The following BMP8A variants were observed in gnomAD, a reference collection of about 807,000 sequenced individuals.
BMP8A encodes bone morphogenetic protein 8a, also known as BMP-8A.
In BMP8A, 14 loss-of-function variants were observed where a neutral mutation model predicts 36.8. The observed-to-expected ratio is 0.38, with a 90% CI of 0.25 to 0.60. BMP8A has a LOEUF of 0.60. BMP8A is among the 20% of genes least tolerant of loss of function. BMP8A has a pLI of 0.63. For missense variants in BMP8A, 267 were observed against 551.1 expected (o/e 0.48, Z 5.16); for synonymous variants, 120 against 237.7 (o/e 0.50, Z 4.55).
chr1:39,525,909 C>T lies in BMP8A; in HGVS notation c.*111C>T, dbSNP rs958911353. 37 of 1,531,516 alleles carry T rather than the reference C, an allele frequency of 2.4e-5. No individual in the cohort carries two copies. Among genetic ancestry groups the T allele is most frequent in the Non-Finnish European group, 2.8e-5 (32 of 1,133,400 alleles). The allele number at this position is 1,531,516 out of a possible 1,614,324, so 94.9% of individuals were successfully genotyped here. Reference sequence around the variant, plus strand: ...CTCAAGCAGGAGTGTCAGGGGCCCTCACTCTCGGTGCCTACTTCCTGTCAG... The same window carrying T: ...CTCAAGCAGGAGTGTCAGGGGCCCTTACTCTCGGTGCCTACTTCCTGTCAG... On this transcript the variant is annotated 3_prime_UTR_variant, in exon 7 of 7. Transcript: ENST00000331593.
At chr1:39,516,810 C>G (rs1010529600) in intron 3 of BMP8A, among the ~76,000 whole-genome samples, 2 of 152,004 alleles carry the variant, frequency 1.3e-5, no homozygotes, top group African/African-American at 2.4e-5. Flanking sequence ...TCAAGCGCCT[C>G]CCTCGTACTT....
chr1:39,529,429 G>A lies in BMP8A; in HGVS notation c.*3631G>A, dbSNP rs1308679265. 6.6e-6 allele frequency among the ~76,000 whole-genome samples: 1 copy of A among 152,242 alleles called. No homozygotes were observed. Among genetic ancestry groups the A allele is most frequent in the Non-Finnish European group, 1.5e-5 (1 of 68,046 alleles). On this transcript the variant is annotated 3_prime_UTR_variant, in exon 7 of 7. Coordinates refer to ENST00000331593, the MANE Select transcript of BMP8A (RefSeq NM_181809.4). ...CGCTAGGGTCTCTGCTGAGGAAGTG[G>A]CAGGTGTGCGGCCCTGCCCTGGCCC... is the stretch of plus-strand genomic sequence containing the variant.
In BMP8A at chr1:39,492,012, GCTC is replaced by G; in HGVS notation, c.22_24del (p.Leu8del). ...CCGCCATGGCCGCGCGCCCCGGACC[GCTC>G]TGGCTTCTGGGCCTGACGTTGTGCG... On this transcript the variant is annotated inframe_deletion, in exon 1 of 7. Coordinates refer to ENST00000331593, the MANE Select transcript of BMP8A (RefSeq NM_181809.4). 2 of 1,090,108 alleles carry G rather than the reference GCTC, an allele frequency of 1.8e-6. No individual in the cohort carries two copies. Among genetic ancestry groups the G allele is most frequent in the Non-Finnish European group, 2.2e-6 (2 of 898,662 alleles). The allele number at this position is 1,090,108 out of a possible 1,614,324, so 67.5% of individuals were successfully genotyped here.
chr1:39,525,852 C>T lies in BMP8A; in HGVS notation c.*54C>T. The T allele has an allele frequency of 1.2e-6, 2 of 1,607,948 alleles. No homozygotes were observed. Among genetic ancestry groups the T allele is most frequent in the South Asian group, 2.2e-5 (2 of 90,996 alleles). ...CCCTTCTCATCTGGATCGGGCCCTGCAGAGGCAGAAAACCCTTAAATGCTG... is the reference window on the plus strand; with the variant it reads ...CCCTTCTCATCTGGATCGGGCCCTGTAGAGGCAGAAAACCCTTAAATGCTG... On this transcript the variant is annotated 3_prime_UTR_variant, in exon 7 of 7. Coordinates refer to ENST00000331593, the MANE Select transcript of BMP8A (RefSeq NM_181809.4).
Position 39,529,569 on chromosome 1 carries a change from C to G in BMP8A, c.*3771C>G, listed in dbSNP as rs1307157605. Among the ~76,000 whole-genome samples, 1 of 152,160 alleles carries G rather than the reference C, an allele frequency of 6.6e-6. No individual in the cohort carries two copies. Among genetic ancestry groups the G allele is most frequent in the Non-Finnish European group, 1.5e-5 (1 of 68,034 alleles). Reference sequence around the variant, plus strand: ...GAGCAAACAGTTGCCGCTCTCCACCCCCTGCTTTTTAAAAAAAATTTTTTC... The same window carrying G: ...GAGCAAACAGTTGCCGCTCTCCACCGCCTGCTTTTTAAAAAAAATTTTTTC... On this transcript the variant is annotated 3_prime_UTR_variant, in exon 7 of 7. Transcript: ENST00000331593.
chr1:39,528,070 G>A lies in BMP8A; in HGVS notation c.*2272G>A, dbSNP rs1205417539. On this transcript the variant is annotated 3_prime_UTR_variant, in exon 7 of 7. Coordinates refer to ENST00000331593, the MANE Select transcript of BMP8A (RefSeq NM_181809.4). ...CTCTTCAGTGCCCAGTGTGTAACCT[G>A]GCATGGTTTGGGTGTGCTAGGAGTT... 6.6e-6 allele frequency among the ~76,000 whole-genome samples: 1 copy of A among 152,190 alleles called. No individual in the cohort carries two copies. The highest frequency in any genetic ancestry group is 1.5e-5 in the Non-Finnish European group (1 of 68,050).
intron 1 of BMP8A, among the ~76,000 whole-genome samples, chr1:39,502,586 G>A (rs1284763253): frequency 6.6e-6 from 1 of 152,192 alleles, no homozygotes; most frequent in Non-Finnish European, 1.5e-5. Flanking sequence ...CCAGTTAGAA[G>A]TGCTCAGAAA....
chr1:39,498,011 C>T (rs1299395019), intron 1 of BMP8A, among the ~76,000 whole-genome samples: 1 of 152,234 alleles, frequency 6.6e-6, no homozygotes, highest in African/African-American at 2.4e-5. Flanking sequence ...GGGTGACCCC[C>T]ATCCCAATAT....
At chr1:39,514,763 C>T (rs1173253403) in intron 3 of BMP8A, among the ~76,000 whole-genome samples, 2 of 152,144 alleles carry the variant, frequency 1.3e-5, no homozygotes, top group African/African-American at 2.4e-5. Context: ...TGACTCGGGG[C>T]CCCCAGCCCA....
intron 1 of BMP8A, among the ~76,000 whole-genome samples, chr1:39,504,039 C>A (rs1645276994): frequency 6.6e-6 from 1 of 152,146 alleles, no homozygotes; most frequent in Non-Finnish European, 1.5e-5. Context: ...TGGCAGACAC[C>A]ACCGTAACCA....
intron 6 of BMP8A, among the ~76,000 whole-genome samples, chr1:39,525,434 GT>G: frequency 6.6e-6 from 1 of 152,254 alleles, no homozygotes; most frequent in East Asian, 1.9e-4. Context: ...GGGCTGCCAT[GT>G]ATCCCTCCCT....
chr1:39,499,778 T>G (rs1438694903), intron 1 of BMP8A, among the ~76,000 whole-genome samples: 3 of 152,186 alleles, frequency 2.0e-5, no homozygotes, highest in Admixed American at 2.0e-4. Flanking sequence ...CATGTGCAGC[T>G]CCGCGTGGAT....
chr1:39,493,928 G>A (rs1206063591), intron 1 of BMP8A, among the ~76,000 whole-genome samples: 2 of 152,248 alleles, frequency 1.3e-5, no homozygotes, highest in Non-Finnish European at 2.9e-5. Context: ...GCATCCCCTG[G>A]GTCAAGGCAT....
At chr1:39,504,065 C>T (rs1300225691) in intron 1 of BMP8A, among the ~76,000 whole-genome samples, 2 of 152,312 alleles carry the variant, frequency 1.3e-5, no homozygotes, top group African/African-American at 4.8e-5. Context: ...TCAAATTTCA[C>T]GCCACTAGTA....
intron 6 of BMP8A, among the ~76,000 whole-genome samples, 190 bp from the exon 7 acceptor site, chr1:39,525,459 C>T (rs1737730): frequency 0.013 from 1,942 of 152,254 alleles, 14 homozygotes; most frequent in Middle Eastern, 0.045. Context: ...CACTGTGGGC[C>T]ACCACAGCTC....
chr1:39,492,553 G>C (rs188606553), intron 1 of BMP8A, among the ~76,000 whole-genome samples: 319 of 152,304 alleles, frequency 2.1e-3, no homozygotes, highest in African/African-American at 7.0e-3. Flanking sequence ...ACTCCCAGGC[G>C]CTGCCTTCAC....
chr1:39,497,834 G>T (rs1014777837), intron 1 of BMP8A, among the ~76,000 whole-genome samples: 1 of 152,212 alleles, frequency 6.6e-6, no homozygotes. Flanking sequence ...GCCTGGTCAG[G>T]TGGGACAGAG....
chr1:39,499,378 G>T (rs889179772), intron 1 of BMP8A, among the ~76,000 whole-genome samples: 1 of 152,288 alleles, frequency 6.6e-6, no homozygotes, highest in Non-Finnish European at 1.5e-5. Context: ...GCCGGGGAGG[G>T]TCTGAGGGGA....
intron 1 of BMP8A, among the ~76,000 whole-genome samples, chr1:39,492,870 G>A (rs1211621791): frequency 2.6e-5 from 4 of 152,160 alleles, no homozygotes; most frequent in Non-Finnish European, 1.5e-5. Flanking sequence ...GCTCGCTGGG[G>A]CAGGGACTGT....
Sources: allele counts gnomAD v4.1 joint callset (sites outside exome capture counted in the v4.1 genomes callset), GRCh38; gene constraint gnomAD v4.1.1; transcripts MANE v1.5; gene names NCBI Gene and HGNC (gene_info 2026-07-23, HGNC 2026-07-21).